Variants in RYR1 observed in about 807,000 individuals in gnomAD.
RYR1 encodes ryanodine receptor 1.
A neutral mutation model predicts 583.5 loss-of-function variants in RYR1; 342 were observed. That is an observed-to-expected ratio of 0.59 (90% CI 0.54 to 0.64). The LOEUF is 0.64. RYR1 is among the 30% of genes least tolerant of loss of function. RYR1 has a pLI of 0.00. For synonymous variants in RYR1, 2,791 were observed against 2,822.5 expected, an observed-to-expected ratio of 0.99 and a Z score of 0.35; for missense variants, 6,032 against 6,917.2, an observed-to-expected ratio of 0.87 and a Z score of 4.54.
chr19:38,455,472 G>A lies in RYR1; in HGVS notation c.1598G>A (p.Arg533His), dbSNP rs144336148. The A allele has an allele frequency of 1.3e-4, 207 of 1,613,998 alleles. No homozygotes were observed. Among genetic ancestry groups the A allele is most frequent in the African/African-American group, 6.7e-4 (50 of 74,878 alleles). Reference sequence around the variant, plus strand: ...TCAGCTTCTCTAATCCGTGGCAATCGTAGCAACTGTGCCCTCTTCTCCACA... The same window carrying A: ...TCAGCTTCTCTAATCCGTGGCAATCATAGCAACTGTGCCCTCTTCTCCACA... ...ELLASLIRGN[R>H]SNCALFSTNL... The change falls in exon 15 of 106, where the codon CGT becomes CAT. Residue 533 changes from arginine to histidine, a missense_variant. Around this residue, in one of 11 missense-constraint regions of RYR1, gnomAD observed 2,627 missense variants for 2,961.3 expected, o/e 0.89. Transcript: ENST00000359596.
Position 38,548,321 on chromosome 19 carries a change from C to A in RYR1, c.12183C>A (p.Phe4061Leu). 1 of 1,614,186 alleles carries A rather than the reference C, an allele frequency of 6.2e-7. No homozygotes were observed. Among genetic ancestry groups the A allele is most frequent in the Non-Finnish European group, 8.5e-7 (1 of 1,180,040 alleles). ...ATGTGGAGATGATCCTCAAGTTCTT[C>A]GACATGTTCCTGAAACTCAAGGACA... ...SSNVEMILKF[F>L]DMFLKLKDIV... The change falls in exon 89 of 106, where the codon TTC becomes TTA. Residue 4061 changes from phenylalanine (F) to leucine (L), a missense_variant. Transcript: ENST00000359596.
chr19:38,489,435 A>G lies in RYR1; in HGVS notation c.5806A>G (p.Lys1936Glu). 1 of 1,613,932 alleles carries G rather than the reference A, an allele frequency of 6.2e-7. No individual in the cohort carries two copies. The highest frequency in any genetic ancestry group is 1.1e-5 in the South Asian group (1 of 91,078). ...CCAGATGAAGTTGCCAGAGTCTGTG[A>G]AGTTACAGGTGGGCTGCTGCTTCCT... ...LLQMKLPESVKLQMCHLLEYF... is the reference protein window; with the variant it reads ...LLQMKLPESVELQMCHLLEYF... Residue 1936 changes from lysine to glutamate, a missense_variant, in exon 35 of 106, where the codon AAG becomes GAG. Physicochemically the swap from Lys to Glu is moderately conservative, Grantham distance 56. This residue lies in a region of RYR1 where 2,627 missense variants were observed against 2,961.3 expected (regional missense o/e 0.89). Coordinates refer to ENST00000359596, the MANE Select transcript of RYR1 (RefSeq NM_000540.3).
intron 16 of RYR1, 91 bp downstream of exon 16, chr19:38,455,842 C>T (rs1967347343): frequency 4.9e-6 from 4 of 814,596 alleles, no homozygotes; most frequent in Non-Finnish European, 8.6e-6. Flanking sequence ...CCCTCACTTC[C>T]CTCCTCCATC....
At chr19:38,478,664 T>G in intron 31 of RYR1, 64 bp downstream of exon 31, 1 of 1,566,488 alleles carries the variant, frequency 6.4e-7, no homozygotes, top group Non-Finnish European at 8.7e-7. Flanking sequence ...ACAGCTCTTA[T>G]AGATGTCCCC....
intron 97 of RYR1, among the ~76,000 whole-genome samples, chr19:38,576,896 T>A (rs777496714): frequency 1.3e-5 from 2 of 152,042 alleles, no homozygotes; most frequent in Non-Finnish European, 2.9e-5. Context: ...TCTTTTGTTT[T>A]TTTCTTTGAG....
intron 69 of RYR1, chr19:38,523,564 G>A: frequency 1.7e-6 from 1 of 601,566 alleles, no homozygotes; most frequent in South Asian, 2.0e-5. Flanking sequence ...TCCTCCTCCT[G>A]TATCTTCTCC....
rs190928637 is a variant in RYR1, at chr19:38,463,199, C to T, written c.2578-224C>T. Among the ~76,000 whole-genome samples, 70 of 136,560 alleles carry T rather than the reference C, an allele frequency of 5.1e-4. No homozygotes were observed. In the South Asian group the frequency reaches 8.1e-3, roughly 16 times the overall value. 89.6% of individuals were successfully genotyped at this position (136,560 alleles called of 152,430 possible). Reference sequence around the variant, plus strand: ...CTGGGATTACAGATGTGAGCCACTACGGCTGGCCCTGGATAATTCCTTAAT... The same window carrying T: ...CTGGGATTACAGATGTGAGCCACTATGGCTGGCCCTGGATAATTCCTTAAT... On this transcript the variant is annotated intron_variant, in intron 20 of 105. Coordinates refer to ENST00000359596, the MANE Select transcript of RYR1 (RefSeq NM_000540.3).
At chr19:38,562,727 C>G (rs759245521) in intron 90 of RYR1, among the ~76,000 whole-genome samples, 20 of 152,200 alleles carry the variant, frequency 1.3e-4, no homozygotes, top group Non-Finnish European at 2.6e-4. Context: ...CCTCCTGTCC[C>G]CCCACAGAGT....
chr19:38,510,802 G>A, intron 60 of RYR1, 21 bp downstream of exon 60: 2 of 1,613,940 alleles, frequency 1.2e-6, no homozygotes, highest in East Asian at 2.2e-5. Context: ...TGTGACCCTG[G>A]ACCCAGCCCC....
At chr19:38,510,357 C>T (rs2145654274) in intron 58 of RYR1, 141 bp from the exon 59 acceptor site, 2 of 834,992 alleles carry the variant, frequency 2.4e-6, no homozygotes, top group South Asian at 3.0e-5. Context: ...AAAGGTTTAT[C>T]TCAAAGCCAA....
intron 105 of RYR1, 58 bp from the exon 106 acceptor site, chr19:38,587,267 T>C: frequency 8.9e-7 from 1 of 1,124,958 alleles, no homozygotes; most frequent in South Asian, 1.2e-5. Flanking sequence ...TATATATATA[T>C]ATATGTCTCA....
At position 38,572,120 on chromosome 19, in the gene RYR1, C is replaced by T. The variant is rs1599649109; in HGVS notation, c.13848C>T (p.Ala4616=). 13 of 1,613,964 alleles carry T rather than the reference C, an allele frequency of 8.1e-6. No individual in the cohort carries two copies. The highest frequency in any genetic ancestry group is 1.6e-4 in the Middle Eastern group (1 of 6,084). ...GCAGCTCTGGCTGGGGCTTGGGGGC[C>T]GGAGAGGAGGCAGAGGGCGATGAGG... The part of the protein sequence containing the change: ...SGGSSGWGLG[A]GEEAEGDEDE... Residue 4616 remains alanine (A), a synonymous_variant, in exon 95 of 106, where the codon GCC becomes GCT. Transcript: ENST00000359596.
chr19:38,471,840 T>G (rs1288978928), intron 27 of RYR1, among the ~76,000 whole-genome samples: 2 of 143,372 alleles, frequency 1.4e-5, no homozygotes, highest in Non-Finnish European at 3.0e-5. Context: ...AGGCAAAAGT[T>G]GCAGTCAGCC....
At chr19:38,586,675 G>C in intron 105 of RYR1, 99 bp downstream of exon 105, 1 of 1,210,374 alleles carries the variant, frequency 8.3e-7, no homozygotes, top group Non-Finnish European at 1.2e-6. Flanking sequence ...TCAATATCAA[G>C]GGTTAGGGCT....
At chr19:38,547,100 C>T (rs1184876344) in intron 88 of RYR1, among the ~76,000 whole-genome samples, 2 of 150,182 alleles carry the variant, frequency 1.3e-5, no homozygotes, top group African/African-American at 2.5e-5. Context: ...GGTGCGGTGG[C>T]GCGATCTCGG....
In RYR1 at chr19:38,537,081, TC is replaced by T. The variant is rs1438681739; in HGVS notation, c.11608+316del. 3 of 502,176 alleles carry T rather than the reference TC, an allele frequency of 6.0e-6. No homozygotes were observed. The East Asian group carries it at 1.1e-4, about 18-fold the overall frequency. 31.1% of individuals were successfully genotyped at this position (502,176 alleles called of 1,614,324 possible). A position where few individuals can be genotyped will look rare whatever the true frequency, so the allele number is the denominator to read the frequency against. ...CTTTCCAGCTGGATATTGTCGGACT[TC>T]CAGACCCAGATTCGCAGTCCCGGTG... On this transcript the variant is annotated intron_variant, in intron 83 of 105. Transcript: ENST00000359596.
At chr19:38,533,431 A>C (rs141273975) in intron 78 of RYR1, among the ~76,000 whole-genome samples, 1 of 152,346 alleles carries the variant, frequency 6.6e-6, no homozygotes, top group East Asian at 1.9e-4. Flanking sequence ...CAAGTATTGA[A>C]TAGCTATCAA....
Position 38,527,036 on chromosome 19 carries a change from T to C in RYR1, c.10670T>C (p.Leu3557Pro). 6.2e-7 allele frequency: 1 copy of C among 1,613,808 alleles called. No individual in the cohort carries two copies. The highest frequency in any genetic ancestry group is 8.5e-7 in the Non-Finnish European group (1 of 1,179,832). The change falls in exon 72 of 106, where the codon CTT becomes CCT. Residue 3557 changes from leucine to proline, a missense_variant. This residue lies in a region of RYR1 where 1,493 missense variants were observed against 1,715.5 expected (regional missense o/e 0.87). Coordinates refer to ENST00000359596, the MANE Select transcript of RYR1 (RefSeq NM_000540.3). ...GTCCGGGAATTTCTGCACAACAACC[T>C]TCACCTTCAGGGAAAGGTATGCCTC... is the stretch of plus-strand genomic sequence containing the variant. ...EEVREFLHNN[L>P]HLQGKVEGSP...
chr19:38,566,495 A>T (rs952596527), intron 91 of RYR1, among the ~76,000 whole-genome samples: 1 of 150,740 alleles, frequency 6.6e-6, no homozygotes, highest in African/African-American at 2.4e-5. Flanking sequence ...AAAGACCAAG[A>T]CTAAAAAAAG....
Sources: gnomAD v4.1 joint callset for allele counts (sites outside exome capture counted in the v4.1 genomes callset) on GRCh38, gnomAD v4.1.1 for gene constraint, gnomAD v4.1.1 regional missense constraint, MANE v1.5 for transcripts, NCBI Gene and HGNC (gene_info 2026-07-23, HGNC 2026-07-21) for gene names.